NOCT: variants seen among roughly 807,000 people sequenced by gnomAD.
NOCT encodes nocturnin.
NOCT carries 18 observed loss-of-function variants against 35.0 expected under a neutral mutation model. That is an observed-to-expected ratio of 0.51 (90% confidence interval 0.36 to 0.76). The LOEUF is 0.76. Ranked by LOEUF, NOCT falls within the 30% of genes least tolerant of loss-of-function variation. The probability of loss-of-function intolerance (pLI) is 0.01; values close to 1 mark genes in which losing one functional copy is unlikely to be tolerated. For missense variants in NOCT, 479 were observed against 541.0 expected, an observed-to-expected ratio of 0.89 and a Z score of 1.14; for synonymous variants, 235 against 226.3, an observed-to-expected ratio of 1.04 and a Z score of -0.34.
chr4:139,033,289 G>A (rs948541017), intron 1 of NOCT, among the ~76,000 whole-genome samples: 6 of 150,690 alleles, frequency 4.0e-5, no homozygotes, highest in African/African-American at 7.3e-5. Context: ...GCTTGAACCC[G>A]GGGGGGCGGA....
intron 1 of NOCT, among the ~76,000 whole-genome samples, chr4:139,033,473 C>A (rs529752148): frequency 6.6e-5 from 10 of 151,864 alleles, no homozygotes; most frequent in Admixed American, 6.6e-5. Flanking sequence ...GAGTTCAAGA[C>A]TAGCCTGGAA....
intron 1 of NOCT, among the ~76,000 whole-genome samples, chr4:139,029,373 T>G (rs1726582874): frequency 6.6e-6 from 1 of 152,230 alleles, no homozygotes; most frequent in Non-Finnish European, 1.5e-5. Context: ...GAGCCAGGAT[T>G]TGGATTCAGG....
intron 1 of NOCT, among the ~76,000 whole-genome samples, chr4:139,035,479 A>C (rs1039119369): frequency 6.6e-6 from 1 of 152,106 alleles, no homozygotes; most frequent in Non-Finnish European, 1.5e-5. Flanking sequence ...ATCACATCCA[A>C]GTTATCAAAA....
At chr4:139,016,999 T>G (rs67025543) in intron 1 of NOCT, among the ~76,000 whole-genome samples, 4,245 of 118,188 alleles carry the variant, frequency 0.036, 230 homozygotes, top group African/African-American at 0.12. Context: ...TTCCACTCTT[T>G]ATAGTTAACA....
intron 1 of NOCT, among the ~76,000 whole-genome samples, chr4:139,038,205 A>AATCAATC (rs1726769546): frequency 1.3e-5 from 2 of 150,258 alleles, no homozygotes; most frequent in African/African-American, 5.0e-5. Context: ...TCAAATAAAT[A>AATCAATC]AATAAATAAA....
At chr4:139,032,406 A>G (rs1484277000) in intron 1 of NOCT, among the ~76,000 whole-genome samples, 1 of 152,176 alleles carries the variant, frequency 6.6e-6, no homozygotes, top group African/African-American at 2.4e-5. Flanking sequence ...CCCAGTCCCA[A>G]CACCTAGGGA....
chr4:139,025,005 C>G (rs1007717026), intron 1 of NOCT, among the ~76,000 whole-genome samples: 2 of 152,190 alleles, frequency 1.3e-5, no homozygotes, highest in Non-Finnish European at 2.9e-5. Context: ...CCGCCTTTGT[C>G]AAAGAAAGGA....
chr4:139,016,445 G>T (rs1430641306), intron 1 of NOCT, among the ~76,000 whole-genome samples: 5 of 151,834 alleles, frequency 3.3e-5, no homozygotes, highest in Admixed American at 6.6e-5. Context: ...AGAATTTCTT[G>T]TTCTTGACCG....
chr4:139,044,913 C>G lies in NOCT; in HGVS notation c.735C>G (p.Phe245Leu), dbSNP rs769129644. ...GCALFFLQNR[F>L]KLVNSANIRL... Reference sequence around the variant, plus strand: ...CCTTATTTTTTCTTCAAAACCGATTCAAGCTAGTCAACAGTGCCAATATTA... The same window carrying G: ...CCTTATTTTTTCTTCAAAACCGATTGAAGCTAGTCAACAGTGCCAATATTA... Residue 245 changes from phenylalanine to leucine, a missense_variant, in exon 3 of 3, where the codon TTC (phenylalanine) becomes TTG (leucine). Physicochemically the swap from Phe to Leu is conservative, Grantham distance 22. Transcript: ENST00000280614. 6.2e-7 allele frequency: 1 copy of G among 1,614,118 alleles called. No homozygotes were observed. Among genetic ancestry groups the G allele is most frequent in the African/African-American group, 1.3e-5 (1 of 74,936 alleles).
chr4:139,033,887 T>C (rs1162680680), intron 1 of NOCT, among the ~76,000 whole-genome samples: 1 of 152,058 alleles, frequency 6.6e-6, no homozygotes, highest in Non-Finnish European at 1.5e-5. Flanking sequence ...CAGCTAATTT[T>C]TTCTTTTTTT....
intron 1 of NOCT, among the ~76,000 whole-genome samples, chr4:139,036,944 A>G (rs76733635): frequency 0.017 from 2,568 of 152,300 alleles, 64 homozygotes; most frequent in African/African-American, 0.057. Flanking sequence ...AGGGGAGTCC[A>G]TCAGTAAGCT....
chr4:139,018,114 A>ATG (rs1001814858), intron 1 of NOCT, among the ~76,000 whole-genome samples: 5 of 149,770 alleles, frequency 3.3e-5, no homozygotes, highest in African/African-American at 1.2e-4. Context: ...TTTCGTAGGA[A>ATG]TGTGGTACAT....
At chr4:139,036,440 C>CT (rs1167113582) in intron 1 of NOCT, among the ~76,000 whole-genome samples, 1 of 152,122 alleles carries the variant, frequency 6.6e-6, no homozygotes, top group Non-Finnish European at 1.5e-5. Context: ...TCGTATGTGT[C>CT]TGTGGTTTGA....
At position 139,043,079 on chromosome 4, in the gene NOCT, T is replaced by G. The variant is rs779324077; in HGVS notation, c.196T>G (p.Ser66Ala). 20 of 1,594,946 alleles carry G rather than the reference T, an allele frequency of 1.3e-5. No homozygotes were observed. Among genetic ancestry groups the G allele is most frequent in the Non-Finnish European group, 1.6e-5 (19 of 1,164,440 alleles). Reference protein sequence around the residue: ...AARSCSRTVCSMGTGTSRLYS... With the variant: ...AARSCSRTVCAMGTGTSRLYS... ...TGTGATTTCCTTTTCCGTAGTGTGT[T>G]CCATGGGAACCGGTACAAGCAGACT... Residue 66 changes from serine (S) to alanine (A), a missense_variant, in exon 2 of 3, where the codon TCC becomes GCC. Physicochemically the swap from Ser to Ala is moderately conservative, Grantham distance 99. Coordinates refer to ENST00000280614, the MANE Select transcript of NOCT (RefSeq NM_012118.4).
intron 2 of NOCT, 25 bp from the exon 3 acceptor site, chr4:139,044,614 C>G (rs764765609): frequency 3.3e-6 from 5 of 1,503,178 alleles, no homozygotes; most frequent in Non-Finnish European, 4.6e-6. Context: ...TAAGAGCTGA[C>G]AACTGACTAG....
chr4:139,033,513 A>C (rs571745998), intron 1 of NOCT, among the ~76,000 whole-genome samples: 7 of 152,234 alleles, frequency 4.6e-5, no homozygotes, highest in Admixed American at 2.6e-4. Context: ...TCTACAAAAA[A>C]AAAATTCTTT....
chr4:139,017,187 T>C (rs1054637720), intron 1 of NOCT, among the ~76,000 whole-genome samples: 13 of 151,682 alleles, frequency 8.6e-5, no homozygotes, highest in Non-Finnish European at 1.3e-4. Flanking sequence ...ACTTTAAAAA[T>C]TGATAAATTT....
In NOCT at chr4:139,045,602, C is replaced by T. The variant is rs866490277; in HGVS notation, c.*128C>T. Reference sequence around the variant, plus strand: ...CCTGATCTCGGCTCACTGCAAGATCCGCCTCCCGGGTTCATGGCATTCTCC... The same window carrying T: ...CCTGATCTCGGCTCACTGCAAGATCTGCCTCCCGGGTTCATGGCATTCTCC... On this transcript the variant is annotated 3_prime_UTR_variant, in exon 3 of 3. Coordinates refer to ENST00000280614, the MANE Select transcript of NOCT (RefSeq NM_012118.4). The T allele has an allele frequency of 9.1e-6, 5 of 547,796 alleles. No individual in the cohort carries two copies. Among genetic ancestry groups the T allele is most frequent in the Non-Finnish European group, 1.5e-5 (5 of 332,176 alleles). 33.9% of individuals were successfully genotyped at this position (547,796 alleles called of 1,614,324 possible).
intron 1 of NOCT, among the ~76,000 whole-genome samples, chr4:139,021,129 C>T (rs1304533257): frequency 6.6e-6 from 1 of 151,340 alleles, no homozygotes; most frequent in East Asian, 1.9e-4. Context: ...TCAAGAGACC[C>T]CTGAGAAAGA....
Sources: allele counts gnomAD v4.1 joint callset (sites outside exome capture counted in the v4.1 genomes callset), GRCh38; gene constraint gnomAD v4.1.1; transcripts MANE v1.5; gene names NCBI Gene and HGNC (gene_info 2026-07-23, HGNC 2026-07-21).